The following MAN2A1 variants were observed in gnomAD, a reference collection of about 807,000 sequenced individuals.
MAN2A1 encodes the protein mannosidase alpha class 2A member 1.
Under a neutral mutation model 142.6 loss-of-function variants are expected in MAN2A1, and 76 were observed. The observed-to-expected ratio is 0.53, with a 90% CI of 0.44 to 0.65. The LOEUF (loss-of-function observed/expected upper bound fraction) is 0.65. MAN2A1 is among the 30% of genes least tolerant of loss of function. The pLI is 0.00. For missense variants in MAN2A1, 1,311 were observed against 1,365.1 expected (o/e 0.96, Z 0.62); for synonymous variants, 559 against 473.2 (o/e 1.18, Z -2.35).
chr5:109,701,472 T>G (rs1750981284), intron 1 of MAN2A1, among the ~76,000 whole-genome samples: 2 of 152,168 alleles, frequency 1.3e-5, no homozygotes, highest in African/African-American at 4.8e-5. Flanking sequence ...ATGAGTTAGA[T>G]GGTAGTGAAT....
chr5:109,834,035 G>A (rs1230186392), intron 16 of MAN2A1, among the ~76,000 whole-genome samples: 1 of 152,048 alleles, frequency 6.6e-6, no homozygotes, highest in African/African-American at 2.4e-5. Context: ...TTATAAGTTG[G>A]GAGAAGAAAT....
intron 1 of MAN2A1, among the ~76,000 whole-genome samples, chr5:109,702,366 G>A (rs887413149): frequency 7.1e-6 from 1 of 140,666 alleles, no homozygotes; most frequent in African/African-American, 2.6e-5. Flanking sequence ...TGTGTGTAGG[G>A]AGGATGGGCA....
At chr5:109,814,790 T>C (rs1754409383) in intron 12 of MAN2A1, among the ~76,000 whole-genome samples, 1 of 152,220 alleles carries the variant, frequency 6.6e-6, no homozygotes, top group Non-Finnish European at 1.5e-5. Context: ...GAGTACTTTT[T>C]TTTCATAGAA....
At chr5:109,808,197 T>C (rs1167120970) in intron 12 of MAN2A1, among the ~76,000 whole-genome samples, 1 of 152,218 alleles carries the variant, frequency 6.6e-6, no homozygotes, top group African/African-American at 2.4e-5. Flanking sequence ...TCTTTATTAC[T>C]GAAAAGGATT....
Position 109,774,725 on chromosome 5 carries a change from C to T in MAN2A1, c.1197-63C>T, listed in dbSNP as rs764648092. On this transcript the variant is annotated intron_variant, in intron 7 of 21. Coordinates refer to ENST00000261483, the MANE Select transcript of MAN2A1 (RefSeq NM_002372.4). Reference sequence around the variant, plus strand: ...GGTTATTTCCTTTTTAATCAATTGTCACATTCACTTTTTCTTAGTCAAATT... The same window carrying T: ...GGTTATTTCCTTTTTAATCAATTGTTACATTCACTTTTTCTTAGTCAAATT... 3.9e-5 allele frequency: 48 copies of T among 1,215,728 alleles called. No homozygotes were observed. The Middle Eastern group carries it at 7.6e-4, about 19-fold the overall frequency. The allele number at this position is 1,215,728 out of a possible 1,614,324, so 75.3% of individuals were successfully genotyped here. A position where few individuals can be genotyped will look rare whatever the true frequency, so the allele number is the denominator to read the frequency against.
rs535152849 is a variant in MAN2A1, at chr5:109,762,786, A to T, written c.836-4749A>T. Among the ~76,000 whole-genome samples the T allele has an allele frequency of 3.1e-4, 47 of 152,290 alleles. 1 individual carries two copies. Among genetic ancestry groups the T allele is most frequent in the Non-Finnish European group, 1.9e-4 (13 of 68,014 alleles). On this transcript the variant is annotated intron_variant, in intron 5 of 21. Coordinates refer to ENST00000261483, the MANE Select transcript of MAN2A1 (RefSeq NM_002372.4). ...GTGAACACACTTAACAACACTTACA[A>T]CATCATAAAACTGTTCAGTTTTAGA...
chr5:109,767,397 C>T, intron 5 of MAN2A1, 138 bp from the exon 6 acceptor site: 1 of 592,466 alleles, frequency 1.7e-6, no homozygotes, highest in East Asian at 3.0e-5. Context: ...GAATACTTGG[C>T]AGAGGATAAT....
intron 19 of MAN2A1, among the ~76,000 whole-genome samples, chr5:109,849,759 C>G (rs977228479): frequency 7.9e-5 from 12 of 151,808 alleles, no homozygotes; most frequent in South Asian, 4.2e-4. Flanking sequence ...CCTGTTGAAC[C>G]CTCTGATATC....
At chr5:109,776,522 C>G (rs1456780726) in intron 8 of MAN2A1, among the ~76,000 whole-genome samples, 2 of 152,032 alleles carry the variant, frequency 1.3e-5, no homozygotes, top group Non-Finnish European at 2.9e-5. Flanking sequence ...CATCTGGTCT[C>G]CTGTCTGACT....
chr5:109,717,096 G>A (rs915425439), intron 3 of MAN2A1, among the ~76,000 whole-genome samples: 1 of 151,884 alleles, frequency 6.6e-6, no homozygotes, highest in African/African-American at 2.4e-5. Flanking sequence ...AGAGGGGGGT[G>A]TATTTCCAAA....
chr5:109,799,454 T>TA (rs948408017), intron 12 of MAN2A1, among the ~76,000 whole-genome samples: 58 of 151,720 alleles, frequency 3.8e-4, no homozygotes, highest in Middle Eastern at 3.4e-3. Context: ...CCTGGGGGGT[T>TA]AAAAAAAACA....
intron 8 of MAN2A1, among the ~76,000 whole-genome samples, chr5:109,775,659 A>G (rs1308550380): frequency 6.6e-6 from 1 of 152,134 alleles, no homozygotes; most frequent in Non-Finnish European, 1.5e-5. Flanking sequence ...ATTGAAGCCA[A>G]TCTCAGGTTT....
At chr5:109,704,577 C>T (rs1167662351) in intron 1 of MAN2A1, among the ~76,000 whole-genome samples, 1 of 152,118 alleles carries the variant, frequency 6.6e-6, no homozygotes, top group East Asian at 1.9e-4. Context: ...CAGCACTACA[C>T]ATCTTAAGGG....
chr5:109,838,262 A>G (rs1438252603), intron 16 of MAN2A1, among the ~76,000 whole-genome samples: 2 of 152,114 alleles, frequency 1.3e-5, no homozygotes, highest in Non-Finnish European at 2.9e-5. Flanking sequence ...AGGGGGAGAG[A>G]ATTAGCAGCA....
intron 3 of MAN2A1, among the ~76,000 whole-genome samples, chr5:109,725,584 G>A (rs1400183810): frequency 3.9e-5 from 6 of 152,230 alleles, no homozygotes; most frequent in Admixed American, 2.6e-4. Flanking sequence ...CTCTGGGTCA[G>A]TTTGTCCTGT....
chr5:109,818,448 C>G (rs777845753), intron 13 of MAN2A1, among the ~76,000 whole-genome samples: 5 of 151,968 alleles, frequency 3.3e-5, no homozygotes, highest in Admixed American at 1.3e-4. Flanking sequence ...AAATTTTGGT[C>G]AGATTTTACA....
At chr5:109,709,460 A>G (rs2112556437) in intron 1 of MAN2A1, among the ~76,000 whole-genome samples, 1 of 152,336 alleles carries the variant, frequency 6.6e-6, no homozygotes, top group Non-Finnish European at 1.5e-5. Flanking sequence ...GGAGAAGGAA[A>G]GGCACACAGT....
Position 109,860,865 on chromosome 5 carries a change from A to G in MAN2A1, c.3172-4171A>G, listed in dbSNP as rs1202761702. 2.0e-5 allele frequency among the ~76,000 whole-genome samples: 3 copies of G among 152,296 alleles called. No homozygotes were observed. The South Asian group carries it at 6.2e-4, about 32-fold the overall frequency. On this transcript the variant is annotated intron_variant, in intron 20 of 21. Coordinates refer to ENST00000261483, the MANE Select transcript of MAN2A1 (RefSeq NM_002372.4). Reference sequence around the variant, plus strand: ...ATATTTTTTGATAAGTTATAGTTTTATCTCTGCTGGAACCATCAGTCAATA... The same window carrying G: ...ATATTTTTTGATAAGTTATAGTTTTGTCTCTGCTGGAACCATCAGTCAATA...
chr5:109,729,193 G>C (rs996248090), intron 3 of MAN2A1, 149 bp from the exon 4 acceptor site: 55 of 468,352 alleles, frequency 1.2e-4, no homozygotes, highest in Non-Finnish European at 1.5e-5. Context: ...CTAAAATGGA[G>C]TTTCATTAAT....
Sources: allele counts gnomAD v4.1 joint callset (sites outside exome capture counted in the v4.1 genomes callset), GRCh38; gene constraint gnomAD v4.1.1; transcripts MANE v1.5; gene names NCBI Gene and HGNC (gene_info 2026-07-23, HGNC 2026-07-21).